HDAC5: variants seen among roughly 807,000 people sequenced by gnomAD.
The protein encoded by HDAC5 is antigen NY-CO-9.
In HDAC5, 25 loss-of-function variants were observed where a neutral mutation model predicts 133.3. That is an observed-to-expected ratio of 0.19 (90% CI 0.14 to 0.26). The LOEUF is 0.26. HDAC5 is among the 10% of genes least tolerant of loss of function. HDAC5 has a pLI of 1.00. For missense variants in HDAC5, 1,041 were observed against 1,460.5 expected, an observed-to-expected ratio of 0.71 and a Z score of 4.68; for synonymous variants, 589 against 610.8, an observed-to-expected ratio of 0.96 and a Z score of 0.53.
intron 2 of HDAC5, among the ~76,000 whole-genome samples, chr17:44,115,682 G>C (rs1296528706): frequency 3.3e-5 from 5 of 152,238 alleles, no homozygotes; most frequent in African/African-American, 1.2e-4. Flanking sequence ...ACATCCCCAA[G>C]CAGTGGCCCC....
chr17:44,091,909 C>G lies in HDAC5; in HGVS notation c.1033-78G>C, dbSNP rs927670979. ...AAGGGAGGGCAACCTGGGGCCAAGGCCAAGGTCTCTGAATGGTGCCCAGTT... is the reference window on the plus strand; with the variant it reads ...AAGGGAGGGCAACCTGGGGCCAAGGGCAAGGTCTCTGAATGGTGCCCAGTT... On this transcript the variant is annotated intron_variant, in intron 9 of 26. Transcript: ENST00000682912. 12 of 1,473,024 alleles carry G rather than the reference C, an allele frequency of 8.1e-6. No homozygotes were observed. In the East Asian group the frequency reaches 2.6e-4, roughly 31 times the overall value. The allele number at this position is 1,473,024 out of a possible 1,614,324, so 91.2% of individuals were successfully genotyped here.
chr17:44,093,186 C>T lies in HDAC5; in HGVS notation c.547G>A (p.Val183Ile), dbSNP rs2051047787. ...SKESAIASTE[V>I]KLRLQEFLLS... ...AGGAATTCCTGGAGCCTCAGCTTTA[C>T]CTCAGTGCTGGCAATGGCACCTGCA... The change falls in exon 6 of 27, where the codon GTA becomes ATA. Residue 183 changes from valine to isoleucine, a missense_variant. Physicochemically the swap from Val to Ile is conservative, Grantham distance 29. This residue lies in a region of HDAC5 where 109 missense variants were observed against 168.0 expected (regional missense o/e 0.65). Transcript: ENST00000682912. 6.2e-7 allele frequency: 1 copy of T among 1,613,032 alleles called. No individual in the cohort carries two copies. The highest frequency in any genetic ancestry group is 1.7e-5 in the Admixed American group (1 of 59,872).
Position 44,092,793 on chromosome 17 carries a change from C to T in HDAC5, c.655G>A (p.Ala219Thr). Residue 219 changes from alanine to threonine, a missense_variant, in exon 7 of 27, where the codon GCT (alanine) becomes ACT (threonine). Physicochemically the swap from Ala to Thr is moderately conservative, Grantham distance 58 (BLOSUM62 0). Coordinates refer to ENST00000682912, the MANE Select transcript of HDAC5 (RefSeq NM_005474.5). The part of the protein sequence containing the change: ...QHPKCWGAHH[A>T]SLDQSSPPQS... ...GGAGGGGAACTCTGGTCCAAAGAAG[C>T]ATGGTGGGCTCCCCTGGGGTGGGGG... 1 of 726,218 alleles carries T rather than the reference C, an allele frequency of 1.4e-6. No homozygotes were observed. 45.0% of individuals were successfully genotyped at this position (726,218 alleles called of 1,614,324 possible). A position where few individuals can be genotyped will look rare whatever the true frequency, so the allele number is the denominator to read the frequency against.
At chr17:44,091,617 G>A in intron 10 of HDAC5, 83 bp downstream of exon 10, 1 of 1,500,100 alleles carries the variant, frequency 6.7e-7, no homozygotes. Flanking sequence ...TAGGGCCTTG[G>A]AAGGGGAAAA....
At position 44,092,368 on chromosome 17, in the gene HDAC5, G is replaced by C; in HGVS notation, c.919+13C>G. ...CCAGACCCTCAGAACAGGTACATGA[G>C]AGCAGCCCTTACCCCCAGGCCCGGC... On this transcript the variant is annotated intron_variant, in intron 8 of 26. Coordinates refer to ENST00000682912, the MANE Select transcript of HDAC5 (RefSeq NM_005474.5). 1 of 1,612,252 alleles carries C rather than the reference G, an allele frequency of 6.2e-7. No individual in the cohort carries two copies. The highest frequency in any genetic ancestry group is 8.5e-7 in the Non-Finnish European group (1 of 1,178,510).
At chr17:44,091,162 C>A in intron 11 of HDAC5, 108 bp downstream of exon 11, 1 of 844,104 alleles carries the variant, frequency 1.2e-6, no homozygotes, top group Non-Finnish European at 1.9e-6. Context: ...GAAGAAATCA[C>A]TGATGCTGTT....
At chr17:44,102,794 GT>G (rs2051700407) in intron 3 of HDAC5, among the ~76,000 whole-genome samples, 1 of 151,732 alleles carries the variant, frequency 6.6e-6, no homozygotes, top group Non-Finnish European at 1.5e-5. Context: ...AGCCTCCCAA[GT>G]AGCTGGGACT....
At chr17:44,095,804 C>T (rs1173429202) in intron 3 of HDAC5, among the ~76,000 whole-genome samples, 2 of 151,874 alleles carry the variant, frequency 1.3e-5, no homozygotes, top group South Asian at 2.1e-4. Context: ...AGGGTAACAG[C>T]AGGGGGAGGG....
At chr17:44,096,583 CCTGCCTCAGCCCCGCAAGTAG>C (rs201373629) in intron 3 of HDAC5, among the ~76,000 whole-genome samples, 3,494 of 150,602 alleles carry the variant, frequency 0.023, 163 homozygotes, top group African/African-American at 0.081. Context: ...AAGCAGTTTT[CCTGCCTCAGCCCCGCAAGTAG>C]CTGGGATTAC....
intron 3 of HDAC5, among the ~76,000 whole-genome samples, chr17:44,098,585 C>G (rs2051403161): frequency 6.9e-6 from 1 of 144,426 alleles, no homozygotes; most frequent in African/African-American, 2.6e-5. Context: ...CTAAAAAATA[C>G]AAAGATTAGT....
rs374010670 is a variant in HDAC5 at position 44,092,380 on chromosome 17, C to T, written c.919+1G>A. On this transcript the variant is annotated splice_donor_variant, in intron 8 of 26. Transcript: ENST00000682912. LOFTEE classifies it high-confidence loss of function. The stretch of plus-strand genomic sequence containing the variant: ...AACAGGTACATGAGAGCAGCCCTTA[C>T]CCCCAGGCCCGGCACCTGTGATCTC... The T allele has an allele frequency of 1.9e-6, 3 of 1,612,146 alleles. No individual in the cohort carries two copies. Among genetic ancestry groups the T allele is most frequent in the Non-Finnish European group, 2.5e-6 (3 of 1,178,558 alleles).
In HDAC5 at chr17:44,091,340, G is replaced by A. The variant is rs752838463; in HGVS notation, c.1317C>T (p.His439=). ...CATGCTGCAGCAGGGAGGCATGCCCGTGGGGGCTCCCGTCGCCCTCCAGTG... is the reference window on the plus strand; with the variant it reads ...CATGCTGCAGCAGGGAGGCATGCCCATGGGGGCTCCCGTCGCCCTCCAGTG... ...GVALEGDGSP[H]GHASLLQHVL... is the part of the protein sequence containing the mutation. The change falls in exon 11 of 27, where the codon CAC becomes CAT. Residue 439 remains histidine (H), a synonymous_variant. Coordinates refer to ENST00000682912, the MANE Select transcript of HDAC5 (RefSeq NM_005474.5). The A allele has an allele frequency of 1.0e-4, 161 of 1,608,124 alleles. No homozygotes were observed. Among genetic ancestry groups the A allele is most frequent in the South Asian group, 1.8e-4 (16 of 90,390 alleles).
intron 17 of HDAC5, 49 bp downstream of exon 17, chr17:44,083,756 G>A: frequency 6.3e-7 from 1 of 1,591,116 alleles, no homozygotes; most frequent in Non-Finnish European, 8.6e-7. Context: ...GGAAGAGACA[G>A]ACCTAGGAGA....
chr17:44,103,668 C>A (rs1385839382), intron 3 of HDAC5, among the ~76,000 whole-genome samples: 2 of 151,010 alleles, frequency 1.3e-5, no homozygotes, highest in South Asian at 2.1e-4. Context: ...ACTCTTTTGG[C>A]AATCTAGTGA....
At chr17:44,086,506 G>A in intron 14 of HDAC5, 66 bp downstream of exon 14, 2 of 1,233,804 alleles carry the variant, frequency 1.6e-6, no homozygotes, top group Non-Finnish European at 2.1e-6. Flanking sequence ...CCCTGCCATG[G>A]GGCAGACACC....
chr17:44,092,374 C>T lies in HDAC5; in HGVS notation c.919+7G>A. 6.2e-7 allele frequency: 1 copy of T among 1,612,272 alleles called. No homozygotes were observed. The highest frequency in any genetic ancestry group is 8.5e-7 in the Non-Finnish European group (1 of 1,178,538). ...CCTCAGAACAGGTACATGAGAGCAG[C>T]CCTTACCCCCAGGCCCGGCACCTGT... On this transcript the variant is annotated splice_region_variant and intron_variant, in intron 8 of 26. Coordinates refer to ENST00000682912, the MANE Select transcript of HDAC5 (RefSeq NM_005474.5).
At chr17:44,092,581 G>C in intron 7 of HDAC5, 54 bp from the exon 8 acceptor site, 6 of 1,579,532 alleles carry the variant, frequency 3.8e-6, no homozygotes, top group Non-Finnish European at 4.3e-6. Flanking sequence ...CACATCTGCA[G>C]CTGAGCCCAC....
At position 44,078,043 on chromosome 17, in the gene HDAC5, C is replaced by G; in HGVS notation, c.*333G>C. ...CCCGTTCCCTCCTCACTCGGGGGGC[C>G]CCAGAACTGGAGAGTACTGTCTGGG... On this transcript the variant is annotated 3_prime_UTR_variant, in exon 27 of 27. Transcript: ENST00000682912. 3.9e-6 allele frequency: 1 copy of G among 255,592 alleles called. No homozygotes were observed. The highest frequency in any genetic ancestry group is 6.8e-5 in the East Asian group (1 of 14,602). 15.8% of individuals were successfully genotyped at this position (255,592 alleles called of 1,614,324 possible). A position where few individuals can be genotyped will look rare whatever the true frequency, so the allele number is the denominator to read the frequency against.
At position 44,090,974 on chromosome 17, in the gene HDAC5, C is replaced by G. The variant is rs142432943; in HGVS notation, c.1387+296G>C. ...AAAGTGCTGGGATTTCAGGCGTGAT[C>G]CACCGCGCCCGGCCTTCTTTTTACA... On this transcript the variant is annotated intron_variant, in intron 11 of 26. Coordinates refer to ENST00000682912, the MANE Select transcript of HDAC5 (RefSeq NM_005474.5). Among the ~76,000 whole-genome samples, 544 of 152,356 alleles carry G rather than the reference C, an allele frequency of 3.6e-3. 4 individuals are homozygous for G. The highest frequency in any genetic ancestry group is 0.023 in the East Asian group (119 of 5,188).
Sources: gnomAD v4.1 joint callset for allele counts (sites outside exome capture counted in the v4.1 genomes callset) on GRCh38, gnomAD v4.1.1 for gene constraint, gnomAD v4.1.1 regional missense constraint, MANE v1.5 for transcripts, NCBI Gene and HGNC (gene_info 2026-07-23, HGNC 2026-07-21) for gene names.